XKR4: variants seen among roughly 807,000 people sequenced by gnomAD.
The protein encoded by XKR4 is XK-related protein 4.
In XKR4, 12 loss-of-function variants were observed where a neutral mutation model predicts 53.9. That is an observed-to-expected ratio of 0.22 (90% confidence interval 0.14 to 0.36). The LOEUF is 0.36. Among genes scored for constraint, XKR4 ranks in the 10% least tolerant of loss-of-function variants. The pLI is 1.00. For synonymous variants in XKR4, 354 were observed against 362.4 expected (o/e 0.98, Z 0.26); for missense variants, 799 against 859.5 (o/e 0.93, Z 0.88).
chr8:55,270,231 C>A (rs545160823), intron 1 of XKR4, among the ~76,000 whole-genome samples: 1 of 152,154 alleles, frequency 6.6e-6, no homozygotes, highest in Non-Finnish European at 1.5e-5. Flanking sequence ...CCTCTGAAGT[C>A]CACCTTGCTT....
chr8:55,385,062 G>A lies in XKR4; in HGVS notation c.1006+27185G>A, dbSNP rs143657749. On this transcript the variant is annotated intron_variant, in intron 2 of 2. Transcript: ENST00000327381. ...TTTTGGAAAATGTCAAGAAAATACA[G>A]ATTTAAGTCAGGTAAAGAAGGATGC... 1.0e-3 allele frequency among the ~76,000 whole-genome samples: 155 copies of A among 152,208 alleles called. 2 individuals are homozygous for A. The highest frequency in any genetic ancestry group is 3.5e-3 in the African/African-American group (147 of 41,528).
At chr8:55,242,222 C>A (rs1164379321) in intron 1 of XKR4, among the ~76,000 whole-genome samples, 1 of 152,156 alleles carries the variant, frequency 6.6e-6, no homozygotes, top group African/African-American at 2.4e-5. Context: ...TCCTGATTAG[C>A]ATGTGTTTCT....
intron 1 of XKR4, among the ~76,000 whole-genome samples, chr8:55,188,796 C>T (rs970048535): frequency 6.6e-6 from 1 of 152,138 alleles, no homozygotes; most frequent in Admixed American, 6.5e-5. Flanking sequence ...CTCAGTTCCC[C>T]CATCTATAAA....
rs116043291 is a variant in XKR4, at chr8:55,159,534, A to C, written c.806+56240A>C. Among the ~76,000 whole-genome samples the C allele has an allele frequency of 3.3e-3, 500 of 152,324 alleles. 2 individuals carry two copies. Among genetic ancestry groups the C allele is most frequent in the African/African-American group, 0.012 (479 of 41,574 alleles). On this transcript the variant is annotated intron_variant, in intron 1 of 2. Transcript: ENST00000327381. ...ATGGCATCTGTATCTTTTGAGCAAA[A>C]ACTTGGGGTCATGTTGCCCTATATA...
chr8:55,450,292 G>T, intron 2 of XKR4: 1 of 704,058 alleles, frequency 1.4e-6, no homozygotes, highest in South Asian at 1.7e-5. Flanking sequence ...CCAGTCATAG[G>T]GAGGGCCCTC....
intron 2 of XKR4, among the ~76,000 whole-genome samples, chr8:55,418,339 A>G (rs915114383): frequency 6.6e-6 from 1 of 152,188 alleles, no homozygotes; most frequent in East Asian, 1.9e-4. Flanking sequence ...ACACTTTCCC[A>G]TCTCAGTGAA....
intron 1 of XKR4, chr8:55,272,999 T>C: frequency 2.4e-6 from 1 of 421,020 alleles, no homozygotes; most frequent in Non-Finnish European, 4.7e-6. Flanking sequence ...CTAGAATGCC[T>C]CAGCCTGTCT....
intron 1 of XKR4, among the ~76,000 whole-genome samples, chr8:55,345,553 A>G (rs1563329112): frequency 1.3e-5 from 2 of 152,216 alleles, no homozygotes; most frequent in African/African-American, 4.8e-5. Flanking sequence ...AAGCCTCATT[A>G]GTCTGAGAGT....
chr8:55,315,033 A>G (rs993466538), intron 1 of XKR4, among the ~76,000 whole-genome samples: 1 of 152,234 alleles, frequency 6.6e-6, no homozygotes, highest in Non-Finnish European at 1.5e-5. Flanking sequence ...TGTCATTTTC[A>G]TTACAAATGA....
At chr8:55,438,105 G>C (rs865981457) in intron 2 of XKR4, among the ~76,000 whole-genome samples, 3 of 152,202 alleles carry the variant, frequency 2.0e-5, no homozygotes, top group Middle Eastern at 6.8e-3. Flanking sequence ...AGGGTGGCTT[G>C]AGAATGACTC....
chr8:55,465,091 C>A (rs914551498), intron 2 of XKR4, among the ~76,000 whole-genome samples: 1 of 152,108 alleles, frequency 6.6e-6, no homozygotes, highest in Non-Finnish European at 1.5e-5. Context: ...AGTGCCATCC[C>A]CATCAAGCTA....
chr8:55,186,183 T>C (rs1026060607), intron 1 of XKR4, among the ~76,000 whole-genome samples: 1 of 152,168 alleles, frequency 6.6e-6, no homozygotes, highest in Non-Finnish European at 1.5e-5. Flanking sequence ...TTGACCCTCG[T>C]ATCAAAACTG....
intron 1 of XKR4, among the ~76,000 whole-genome samples, chr8:55,221,257 T>C (rs1817877375): frequency 6.6e-6 from 1 of 152,208 alleles, no homozygotes; most frequent in East Asian, 1.9e-4. Flanking sequence ...AAGCCGACAA[T>C]GTGTTTTATG....
At chr8:55,138,506 A>G (rs1211217496) in intron 1 of XKR4, among the ~76,000 whole-genome samples, 1 of 152,236 alleles carries the variant, frequency 6.6e-6, no homozygotes, top group African/African-American at 2.4e-5. Flanking sequence ...TAGATGCTCT[A>G]GAAATATATT....
chr8:55,508,564 T>C (rs1056427745), intron 2 of XKR4, among the ~76,000 whole-genome samples: 4 of 152,108 alleles, frequency 2.6e-5, no homozygotes, highest in African/African-American at 4.8e-5. Context: ...GAGGACAGGA[T>C]AGGTTTCTCA....
At chr8:55,289,657 GGAAAA>G (rs1230746530) in intron 1 of XKR4, among the ~76,000 whole-genome samples, 7 of 83,314 alleles carry the variant, frequency 8.4e-5, no homozygotes, top group East Asian at 3.5e-4. Context: ...AAGGAAGGAA[GGAAAA>G]GAAAAGAAAA....
chr8:55,244,324 T>G (rs1246557671), intron 1 of XKR4, among the ~76,000 whole-genome samples: 1 of 152,202 alleles, frequency 6.6e-6, no homozygotes, highest in Non-Finnish European at 1.5e-5. Flanking sequence ...GGTATTTGGT[T>G]TTCTGTTACT....
At chr8:55,300,735 T>C (rs1437838479) in intron 1 of XKR4, among the ~76,000 whole-genome samples, 1 of 152,074 alleles carries the variant, frequency 6.6e-6, no homozygotes, top group Non-Finnish European at 1.5e-5. Context: ...AATAAGGTGC[T>C]TCCATCGTGG....
At chr8:55,374,792 A>C (rs1299348975) in intron 2 of XKR4, among the ~76,000 whole-genome samples, 1 of 152,186 alleles carries the variant, frequency 6.6e-6, no homozygotes, top group African/African-American at 2.4e-5. Context: ...ATAAATGAAG[A>C]ATGCAAATTA....
Sources: gnomAD v4.1 joint callset for allele counts (sites outside exome capture counted in the v4.1 genomes callset) on GRCh38, gnomAD v4.1.1 for gene constraint, MANE v1.5 for transcripts, NCBI Gene and HGNC (gene_info 2026-07-23, HGNC 2026-07-21) for gene names.